The following ARNT2 variants were observed in gnomAD, a reference collection of about 807,000 sequenced individuals.
The protein encoded by ARNT2 is ARNT protein 2.
In ARNT2, 36 loss-of-function variants were observed where a neutral mutation model predicts 91.7. The ratio of observed to expected loss-of-function variants is 0.39; its 90% confidence interval spans 0.30 to 0.52. The LOEUF (loss-of-function observed/expected upper bound fraction) is 0.52. Among genes scored for constraint, ARNT2 ranks in the 20% least tolerant of loss-of-function variants. The pLI, the probability that ARNT2 is intolerant of heterozygous loss-of-function variation, is 0.72. For synonymous variants in ARNT2, 365 were observed against 347.1 expected (o/e 1.05, Z -0.57); for missense variants, 775 against 939.3 (o/e 0.83, Z 2.29).
At chr15:80,499,144 G>T (rs965523681) in intron 5 of ARNT2, among the ~76,000 whole-genome samples, 5 of 152,244 alleles carry the variant, frequency 3.3e-5, no homozygotes, top group East Asian at 3.9e-4. Flanking sequence ...AACAATAATA[G>T]AACCTACTAA....
chr15:80,562,851 C>T, intron 11 of ARNT2: 1 of 598,866 alleles, frequency 1.7e-6, no homozygotes, highest in Non-Finnish European at 3.0e-6. Flanking sequence ...TGAGTGGTTG[C>T]TTTCTCATAC....
intron 5 of ARNT2, among the ~76,000 whole-genome samples, chr15:80,507,598 A>C (rs184544146): frequency 6.6e-6 from 1 of 152,284 alleles, no homozygotes; most frequent in South Asian, 2.1e-4. Flanking sequence ...GTGACTGTCA[A>C]AACCTGGGTG....
chr15:80,585,876 C>G (rs1021768681), intron 17 of ARNT2, among the ~76,000 whole-genome samples: 1 of 152,244 alleles, frequency 6.6e-6, no homozygotes, highest in African/African-American at 2.4e-5. Flanking sequence ...AGCCACTTCT[C>G]TGCAGTACCT....
At chr15:80,470,743 A>G (rs1896721540) in intron 4 of ARNT2, among the ~76,000 whole-genome samples, 1 of 152,258 alleles carries the variant, frequency 6.6e-6, no homozygotes, top group African/African-American at 2.4e-5. Context: ...TTGTGCTGAT[A>G]TGATCAGCCT....
At chr15:80,577,575 T>C (rs972495501) in intron 15 of ARNT2, among the ~76,000 whole-genome samples, 1 of 152,106 alleles carries the variant, frequency 6.6e-6, no homozygotes, top group Admixed American at 6.5e-5. Context: ...TGGCAGCTCT[T>C]GGGGAGGGTA....
At chr15:80,474,950 A>G in intron 4 of ARNT2, 60 bp from the exon 5 acceptor site, 3 of 1,541,800 alleles carry the variant, frequency 1.9e-6, no homozygotes, top group Non-Finnish European at 2.7e-6. Flanking sequence ...TCCCAATAAG[A>G]AAGTTGAATC....
chr15:80,476,182 A>G (rs1372316811), intron 5 of ARNT2, among the ~76,000 whole-genome samples: 9 of 152,192 alleles, frequency 5.9e-5, no homozygotes, highest in Non-Finnish European at 1.2e-4. Context: ...GGTCATTTGT[A>G]TGTTATTGCG....
chr15:80,494,780 G>A (rs146643362), intron 5 of ARNT2, among the ~76,000 whole-genome samples: 379 of 152,312 alleles, frequency 2.5e-3, no homozygotes, highest in African/African-American at 8.8e-3. Context: ...TGCCATTCAT[G>A]TTGGAGTTCT....
Position 80,574,350 on chromosome 15 carries a change from G to A in ARNT2, c.1389+130G>A, listed in dbSNP as rs575432477. On this transcript the variant is annotated intron_variant, in intron 13 of 18. Transcript: ENST00000303329. ...CCATCCCCCCACTACAATGGAAAGA[G>A]CAGACCTACAGGTCCCCTGGGGGTC... 9 of 878,108 alleles carry A rather than the reference G, an allele frequency of 1.0e-5. No homozygotes were observed. The East Asian group carries it at 1.8e-4, about 18-fold the overall frequency. 54.4% of individuals were successfully genotyped at this position (878,108 alleles called of 1,614,324 possible).
At chr15:80,450,736 A>G in intron 1 of ARNT2, 144 bp from the exon 2 acceptor site, 1 of 779,964 alleles carries the variant, frequency 1.3e-6, no homozygotes, top group South Asian at 1.4e-5. Flanking sequence ...CCAGCCACAT[A>G]GCTGATGATG....
chr15:80,436,761 A>G (rs1896094500), intron 1 of ARNT2, among the ~76,000 whole-genome samples: 3 of 152,188 alleles, frequency 2.0e-5, no homozygotes, highest in Non-Finnish European at 4.4e-5. Context: ...ACGTCTCTGC[A>G]TGCTATCTGA....
At chr15:80,462,352 C>T (rs1480400454) in intron 3 of ARNT2, among the ~76,000 whole-genome samples, 2 of 152,152 alleles carry the variant, frequency 1.3e-5, no homozygotes, top group African/African-American at 2.4e-5. Context: ...CAAAATTATA[C>T]ACCGTGCTCA....
intron 11 of ARNT2, among the ~76,000 whole-genome samples, chr15:80,562,090 T>C (rs1459720681): frequency 6.6e-6 from 1 of 151,640 alleles, no homozygotes; most frequent in Non-Finnish European, 1.5e-5. Context: ...TTTTTTTTTT[T>C]TTGAGACTGA....
rs958414135 is a variant in ARNT2, at chr15:80,595,990, G to T, written c.*2292G>T. ...AGCTTGTGAGTTTGGAAGTTTGGGGGGTCTTATGTTTGTTTTGCCTCTTCT... is the reference window on the plus strand; with the variant it reads ...AGCTTGTGAGTTTGGAAGTTTGGGGTGTCTTATGTTTGTTTTGCCTCTTCT... On this transcript the variant is annotated 3_prime_UTR_variant, in exon 19 of 19. Transcript: ENST00000303329. 21 of 152,220 alleles carry T rather than the reference G, an allele frequency of 1.4e-4. No individual in the cohort carries two copies. The highest frequency in any genetic ancestry group is 5.1e-4 in the African/African-American group (21 of 41,452). 9.4% of individuals were successfully genotyped at this position (152,220 alleles called of 1,614,324 possible).
intron 8 of ARNT2, among the ~76,000 whole-genome samples, chr15:80,522,697 T>C (rs1333716302): frequency 6.6e-6 from 1 of 151,906 alleles, no homozygotes; most frequent in African/African-American, 2.4e-5. Context: ...GGGACCACTG[T>C]CATATATGCA....
chr15:80,498,315 C>T (rs900340507), intron 5 of ARNT2, among the ~76,000 whole-genome samples: 3 of 152,180 alleles, frequency 2.0e-5, no homozygotes, highest in African/African-American at 4.8e-5. Context: ...AAGTGACTGG[C>T]AGAAGGGCTA....
chr15:80,518,572 C>A (rs993928170), intron 8 of ARNT2, among the ~76,000 whole-genome samples: 1 of 152,068 alleles, frequency 6.6e-6, no homozygotes, highest in African/African-American at 2.4e-5. Flanking sequence ...AACCATGGCT[C>A]CTGGCTCAAA....
chr15:80,567,610 C>T (rs905063659), intron 12 of ARNT2, among the ~76,000 whole-genome samples: 4 of 152,244 alleles, frequency 2.6e-5, no homozygotes, highest in African/African-American at 7.2e-5. Flanking sequence ...AACCAGCCCC[C>T]TGGCTGAGGT....
At chr15:80,542,507 T>A (rs1235917963) in intron 8 of ARNT2, among the ~76,000 whole-genome samples, 1 of 152,206 alleles carries the variant, frequency 6.6e-6, no homozygotes, top group Non-Finnish European at 1.5e-5. Context: ...TGCTCCTCAA[T>A]ATCTGAGCTG....
Sources: gnomAD v4.1 joint callset for allele counts (sites outside exome capture counted in the v4.1 genomes callset) on GRCh38, gnomAD v4.1.1 for gene constraint, MANE v1.5 for transcripts, NCBI Gene and HGNC (gene_info 2026-07-23, HGNC 2026-07-21) for gene names.